Variants in LRRC63 observed in about 807,000 individuals in gnomAD.
The protein encoded by LRRC63 is leucine-rich repeat-containing protein 63.
Under a neutral mutation model 49.5 loss-of-function variants are expected in LRRC63, and 40 were observed. That is an observed-to-expected ratio of 0.81 (90% CI 0.63 to 1.05). LRRC63 has a LOEUF of 1.05. LRRC63 is among the 50% of genes least tolerant of loss of function. LRRC63 has a pLI of 0.00. For synonymous variants in LRRC63, 191 were observed against 221.1 expected (o/e 0.86, Z 1.21); for missense variants, 636 against 663.1 (o/e 0.96, Z 0.45).
chr13:46,228,801 G>A (rs2046655158), intron 4 of LRRC63, 68 bp downstream of exon 4: 1 of 1,070,266 alleles, frequency 9.3e-7, no homozygotes, highest in Non-Finnish European at 1.4e-6. Context: ...AAAATTATGG[G>A]TGATTTTTTG....
intron 2 of LRRC63, among the ~76,000 whole-genome samples, chr13:46,222,802 G>A (rs1441316323): frequency 6.6e-6 from 1 of 151,696 alleles, no homozygotes; most frequent in Admixed American, 6.6e-5. Flanking sequence ...CAAAGACTTG[G>A]AACCAACCCA....
intron 2 of LRRC63, among the ~76,000 whole-genome samples, chr13:46,223,589 C>T (rs1566472310): frequency 6.6e-6 from 1 of 151,814 alleles, no homozygotes; most frequent in Non-Finnish European, 1.5e-5. Context: ...GGCACAGTGG[C>T]TCACGCCTGT....
intron 8 of LRRC63, among the ~76,000 whole-genome samples, chr13:46,262,933 T>C (rs1925997): frequency 0.29 from 44,409 of 152,060 alleles, 6,875 homozygotes; most frequent in East Asian, 0.39. Flanking sequence ...GAACGTAATC[T>C]TCCATTTAGC....
intron 3 of LRRC63, 31 bp downstream of exon 3, chr13:46,228,220 A>T: frequency 6.9e-7 from 1 of 1,446,984 alleles, no homozygotes; most frequent in Non-Finnish European, 9.3e-7. Flanking sequence ...GTATAATTAT[A>T]GAGTCAAGTA....
At chr13:46,271,691 A>C (rs1178083689) in intron 9 of LRRC63, among the ~76,000 whole-genome samples, 1 of 151,560 alleles carries the variant, frequency 6.6e-6, no homozygotes, top group Non-Finnish European at 1.5e-5. Context: ...AAGCCTTTGA[A>C]AGGAGCAAAT....
At chr13:46,256,034 G>A (rs1343228308) in intron 7 of LRRC63, among the ~76,000 whole-genome samples, 1 of 152,186 alleles carries the variant, frequency 6.6e-6, no homozygotes, top group Non-Finnish European at 1.5e-5. Context: ...GTATATATCA[G>A]TATTCCATTC....
At chr13:46,258,077 G>T (rs534913075) in intron 7 of LRRC63, among the ~76,000 whole-genome samples, 1 of 148,416 alleles carries the variant, frequency 6.7e-6, no homozygotes, top group Admixed American at 6.7e-5. Context: ...TCAGAGGCAA[G>T]TTCTGTCCCA....
chr13:46,266,502 C>G (rs2047686015), intron 8 of LRRC63, among the ~76,000 whole-genome samples: 1 of 152,114 alleles, frequency 6.6e-6, no homozygotes, highest in South Asian at 2.1e-4. Flanking sequence ...AAAATCCAAA[C>G]TATGTACTTA....
intron 7 of LRRC63, among the ~76,000 whole-genome samples, chr13:46,253,558 A>G (rs938932311): frequency 6.6e-6 from 1 of 152,130 alleles, no homozygotes; most frequent in African/African-American, 2.4e-5. Context: ...AAGTTTATAA[A>G]TCCAGTCCAA....
exon 10 of LRRC63, chr13:46,276,746 A>T: frequency 1.6e-6 from 2 of 1,226,856 alleles, no homozygotes; most frequent in African/African-American, 3.1e-5. Flanking sequence ...GTTTTGTTTT[A>T]GATGGTAGTC....
intron 5 of LRRC63, among the ~76,000 whole-genome samples, chr13:46,245,611 A>G (rs1395064634): frequency 6.6e-6 from 1 of 152,158 alleles, no homozygotes; most frequent in Admixed American, 6.5e-5. Flanking sequence ...GTGTTTGGAA[A>G]TCAAACAACA....
rs2046777733 is a variant in LRRC63, at chr13:46,232,036, T to C, written c.833-2156T>C. ...TTCACCGTGTTAGCTAGGATGGTCT[T>C]GATCTCCTGACCTCGTGATCCGCCG... On this transcript the variant is annotated intron_variant, in intron 4 of 9. Transcript: ENST00000595396. Among the ~76,000 whole-genome samples the C allele has an allele frequency of 1.3e-5, 2 of 149,496 alleles. 1 individual carries two copies. The highest frequency in any genetic ancestry group is 4.9e-5 in the African/African-American group (2 of 40,586).
intron 6 of LRRC63, among the ~76,000 whole-genome samples, chr13:46,246,897 C>G (rs1377628045): frequency 6.6e-6 from 1 of 152,080 alleles, no homozygotes; most frequent in African/African-American, 2.4e-5. Flanking sequence ...ATTTATTCTT[C>G]TAACTCTGAA....
chr13:46,262,358 A>C (rs2047627098), intron 8 of LRRC63, among the ~76,000 whole-genome samples: 1 of 152,202 alleles, frequency 6.6e-6, no homozygotes, highest in Non-Finnish European at 1.5e-5. Flanking sequence ...AATTCTTTCT[A>C]ACATTAATAA....
At chr13:46,274,391 A>C (rs1210300319) in intron 9 of LRRC63, among the ~76,000 whole-genome samples, 2 of 152,164 alleles carry the variant, frequency 1.3e-5, no homozygotes, top group Non-Finnish European at 2.9e-5. Flanking sequence ...ATTGCTAGCT[A>C]CTGAAAATTT....
chr13:46,268,210 A>G (rs1228378660), intron 9 of LRRC63, among the ~76,000 whole-genome samples: 1 of 152,196 alleles, frequency 6.6e-6, no homozygotes, highest in Non-Finnish European at 1.5e-5. Context: ...AAAATATAAT[A>G]GTTAACATTA....
At chr13:46,219,408 T>C (rs995513798) in intron 2 of LRRC63, among the ~76,000 whole-genome samples, 1 of 152,264 alleles carries the variant, frequency 6.6e-6, no homozygotes, top group Non-Finnish European at 1.5e-5. Flanking sequence ...TTGATACTTG[T>C]GTATGCTTCA....
chr13:46,230,012 TAA>T (rs769668346), intron 4 of LRRC63, among the ~76,000 whole-genome samples: 1 of 152,032 alleles, frequency 6.6e-6, no homozygotes, highest in African/African-American at 2.4e-5. Context: ...CCAGATCTTA[TAA>T]GAACTCACTA....
At chr13:46,214,843 A>G (rs1283893747) in intron 2 of LRRC63, among the ~76,000 whole-genome samples, 1 of 152,120 alleles carries the variant, frequency 6.6e-6, no homozygotes, top group South Asian at 2.1e-4. Flanking sequence ...ACTCCCACTT[A>G]CAAGTGAGAA....
Sources: allele counts gnomAD v4.1 joint callset (sites outside exome capture counted in the v4.1 genomes callset), GRCh38; gene constraint gnomAD v4.1.1; transcripts MANE v1.5; gene names NCBI Gene and HGNC (gene_info 2026-07-23, HGNC 2026-07-21).